ZNF793: variants seen among roughly 807,000 people sequenced by gnomAD.
ZNF793 encodes zinc finger protein 793.
Under a neutral mutation model 12.4 loss-of-function variants are expected in ZNF793, and 5 were observed. The ratio of observed to expected loss-of-function variants is 0.40; its 90% confidence interval spans 0.21 to 0.84. The LOEUF (loss-of-function observed/expected upper bound fraction) is 0.84, where lower values mean the gene tolerates loss of function less well. ZNF793 is among the 40% of genes least tolerant of loss of function. The probability of loss-of-function intolerance (pLI) is 0.35; values close to 1 mark genes in which losing one functional copy is unlikely to be tolerated. For missense variants in ZNF793, 456 were observed against 495.0 expected, an observed-to-expected ratio of 0.92 and a Z score of 0.75; for synonymous variants, 162 against 172.4, an observed-to-expected ratio of 0.94 and a Z score of 0.47.
chr19:37,523,819 T>A (rs1269215631), intron 5 of ZNF793, among the ~76,000 whole-genome samples: 1 of 152,166 alleles, frequency 6.6e-6, no homozygotes, highest in African/African-American at 2.4e-5. Context: ...TATCCTTGGA[T>A]GGTGCAGTAC....
chr19:37,535,217 C>T (rs2042495498), intron 7 of ZNF793: 1 of 152,206 alleles, frequency 6.6e-6, no homozygotes, highest in South Asian at 2.1e-4. Flanking sequence ...TGGTCTTGAT[C>T]TCCTGACCTC....
chr19:37,509,732 T>C (rs1396993875), intron 2 of ZNF793, among the ~76,000 whole-genome samples: 1 of 152,198 alleles, frequency 6.6e-6, no homozygotes, highest in East Asian at 1.9e-4. Context: ...AAATTTTACA[T>C]AAACTTTTTA....
intron 2 of ZNF793, among the ~76,000 whole-genome samples, chr19:37,519,202 C>G (rs1366948362): frequency 6.6e-6 from 1 of 151,974 alleles, no homozygotes; most frequent in Non-Finnish European, 1.5e-5. Flanking sequence ...GGAGGCAGAG[C>G]TTGTAGTGAG....
intron 5 of ZNF793, among the ~76,000 whole-genome samples, chr19:37,523,824 C>CAGTA (rs1488293424): frequency 1.3e-5 from 2 of 152,072 alleles, no homozygotes; most frequent in African/African-American, 4.8e-5. Flanking sequence ...TTGGATGGTG[C>CAGTA]AGTACCCTTT....
Position 37,532,480 on chromosome 19 carries a change from T to G in ZNF793, c.140T>G (p.Val47Gly), listed in dbSNP as rs1361388912. 1 of 1,602,828 alleles carries G rather than the reference T, an allele frequency of 6.2e-7. No homozygotes were observed. Among genetic ancestry groups the G allele is most frequent in the Non-Finnish European group, 8.5e-7 (1 of 1,174,622 alleles). ...GAAACCTATAGCAACCTCGTCTCAG[T>G]GGGTAAGAACATCCTCACCATACAA... is the stretch of plus-strand genomic sequence containing the variant. ...MLETYSNLVS[V>G]GYEGTKPDVI... Residue 47 changes from valine (V) to glycine (G), a missense_variant and splice_region_variant, in exon 6 of 8, where the codon GTG (valine) becomes GGG (glycine). Val to Gly is a moderately radical substitution (Grantham distance 109, BLOSUM62 -3). Coordinates refer to ENST00000627814, the MANE Select transcript of ZNF793 (RefSeq NM_001013659.3).
At chr19:37,534,178 A>G (rs2042484819) in intron 7 of ZNF793, 1 of 151,806 alleles carries the variant, frequency 6.6e-6, no homozygotes, top group African/African-American at 2.4e-5. Flanking sequence ...TTTTCCAGCT[A>G]CTCTGTTACT....
chr19:37,540,413 T>C lies in ZNF793; in HGVS notation c.*2534T>C, dbSNP rs928330051. The C allele has an allele frequency of 1.3e-5, 2 of 151,320 alleles. No homozygotes were observed. Among genetic ancestry groups the C allele is most frequent in the Non-Finnish European group, 2.9e-5 (2 of 67,844 alleles). 9.4% of individuals were successfully genotyped at this position (151,320 alleles called of 1,614,324 possible). On this transcript the variant is annotated 3_prime_UTR_variant, in exon 8 of 8. Transcript: ENST00000627814. ...AGTCATCCCAAGAATGCCAAACCAGTTCAGTTAATAGGAAATGCATCAATC... is the reference window on the plus strand; with the variant it reads ...AGTCATCCCAAGAATGCCAAACCAGCTCAGTTAATAGGAAATGCATCAATC...
At position 37,533,407 on chromosome 19, in the gene ZNF793, AGT is replaced by A. The variant is rs1355667584; in HGVS notation, c.238+8_238+9del. On this transcript the variant is annotated splice_donor_5th_base_variant and intron_variant, in intron 7 of 7. Coordinates refer to ENST00000627814, the MANE Select transcript of ZNF793 (RefSeq NM_001013659.3). ...TGCCCGGGCTGCCACTGTTGGGGTA[AGT>A]GTGATAAATCTAGCAAAAGGGGTAC... 1 of 1,613,554 alleles carries A rather than the reference AGT, an allele frequency of 6.2e-7. No homozygotes were observed. The highest frequency in any genetic ancestry group is 8.5e-7 in the Non-Finnish European group (1 of 1,179,542).
At chr19:37,523,680 A>T (rs2042391782) in intron 5 of ZNF793, among the ~76,000 whole-genome samples, 1 of 152,150 alleles carries the variant, frequency 6.6e-6, no homozygotes, top group Non-Finnish European at 1.5e-5. Context: ...ATTGTTGAAC[A>T]GAGGCCTTAG....
chr19:37,536,771 C>A (rs1247808638), intron 7 of ZNF793, 126 bp from the exon 8 acceptor site: 2 of 1,025,616 alleles, frequency 2.0e-6, no homozygotes, highest in Admixed American at 2.9e-5. Context: ...GAACACTCTT[C>A]CCTGCGTTTG....
At position 37,538,032 on chromosome 19, in the gene ZNF793, C is replaced by T; in HGVS notation, c.*153C>T. 1 of 936,134 alleles carries T rather than the reference C, an allele frequency of 1.1e-6. No individual in the cohort carries two copies. The highest frequency in any genetic ancestry group is 1.9e-5 in the South Asian group (1 of 53,784). The allele number at this position is 936,134 out of a possible 1,614,324, so 58.0% of individuals were successfully genotyped here. A position where few individuals can be genotyped will look rare whatever the true frequency, so the allele number is the denominator to read the frequency against. On this transcript the variant is annotated 3_prime_UTR_variant, in exon 8 of 8. Coordinates refer to ENST00000627814, the MANE Select transcript of ZNF793 (RefSeq NM_001013659.3). ...GTTCACGCCATTCTCCTGCCTCAGC[C>T]TCCCGAGTAGCTGGGACTACAGGTG...
intron 2 of ZNF793, among the ~76,000 whole-genome samples, chr19:37,512,901 CT>C (rs2042304619): frequency 6.6e-6 from 1 of 151,942 alleles, no homozygotes; most frequent in Non-Finnish European, 1.5e-5. Context: ...TCTCTTTAGA[CT>C]TCTTTAATTT....
chr19:37,520,726 T>A (rs1363654290), intron 3 of ZNF793, among the ~76,000 whole-genome samples: 1 of 152,128 alleles, frequency 6.6e-6, no homozygotes, highest in African/African-American at 2.4e-5. Flanking sequence ...TTCTTTATTC[T>A]TGCTGGACCT....
Position 37,537,287 on chromosome 19 carries a change from G to T in ZNF793, c.629G>T (p.Ser210Ile). ...NPALMYKPAV[S>I]DSLLYKRKRV... ...GCACTTATGTATAAACCAGCAGTAA[G>T]TGATTCTCTCTTGTACAAACGGAAG... The change falls in exon 8 of 8, where the codon AGT (serine) becomes ATT (isoleucine). Residue 210 changes from serine to isoleucine, a missense_variant. Physicochemically the swap from Ser to Ile is moderately radical, Grantham distance 142. Transcript: ENST00000627814. The T allele has an allele frequency of 6.2e-7, 1 of 1,613,854 alleles. No homozygotes were observed. The highest frequency in any genetic ancestry group is 2.2e-5 in the East Asian group (1 of 44,882).
chr19:37,509,772 A>C lies in ZNF793; in HGVS notation c.-276+1369A>C, dbSNP rs1424528181. Among the ~76,000 whole-genome samples the C allele has an allele frequency of 3.9e-5, 6 of 152,322 alleles. No homozygotes were observed. In the East Asian group the frequency reaches 1.2e-3, roughly 29 times the overall value. ...GATATATATGCAAAAATGTATATAA[A>C]TATGTAGCTCAATGAATTGTCACAA... is the stretch of plus-strand genomic sequence containing the variant. On this transcript the variant is annotated intron_variant, in intron 2 of 7. Transcript: ENST00000627814.
intron 5 of ZNF793, among the ~76,000 whole-genome samples, chr19:37,530,761 C>T (rs1430755905): frequency 6.6e-6 from 1 of 152,106 alleles, no homozygotes; most frequent in Non-Finnish European, 1.5e-5. Flanking sequence ...TCTCTCTTTT[C>T]CCCACAATTT....
chr19:37,523,800 GA>G (rs773218951), intron 5 of ZNF793, among the ~76,000 whole-genome samples: 2 of 152,176 alleles, frequency 1.3e-5, no homozygotes, highest in Non-Finnish European at 2.9e-5. Flanking sequence ...CTGCCCCGAG[GA>G]GGGTAGATAT....
chr19:37,508,106 CT>C (rs1360110690), intron 1 of ZNF793, among the ~76,000 whole-genome samples, 158 bp from the exon 2 acceptor site: 4 of 152,168 alleles, frequency 2.6e-5, no homozygotes, highest in African/African-American at 9.6e-5. Flanking sequence ...TCTGAAAACT[CT>C]TTTTTGAACC....
At chr19:37,527,459 T>A (rs1336810408) in intron 5 of ZNF793, among the ~76,000 whole-genome samples, 1 of 152,260 alleles carries the variant, frequency 6.6e-6, no homozygotes, top group Non-Finnish European at 1.5e-5. Context: ...TGCCAGGCAC[T>A]GTTCAAAGGC....
Sources: gnomAD v4.1 joint callset for allele counts (sites outside exome capture counted in the v4.1 genomes callset) on GRCh38, gnomAD v4.1.1 for gene constraint, MANE v1.5 for transcripts, NCBI Gene and HGNC (gene_info 2026-07-23, HGNC 2026-07-21) for gene names.